Variants in FN1 observed in about 807,000 individuals in gnomAD.
FN1 encodes the protein fibronectin.
FN1 carries 106 observed loss-of-function variants against 297.3 expected under a neutral mutation model. The observed-to-expected ratio is 0.36, with a 90% CI of 0.30 to 0.42. FN1 has a LOEUF of 0.42. Ranked by LOEUF, FN1 falls within the 10% of genes least tolerant of loss-of-function variation. The pLI is 1.00. For missense variants in FN1, 2,690 were observed against 3,124.9 expected (o/e 0.86, Z 3.32); for synonymous variants, 1,149 against 1,152.6 (o/e 1.00, Z 0.06).
intron 2 of FN1, 70 bp downstream of exon 2, chr2:215,434,626 T>G (rs1399120240): frequency 6.4e-7 from 1 of 1,558,780 alleles, no homozygotes; most frequent in African/African-American, 1.4e-5. Context: ...TTTTACTTAC[T>G]AATGCAAAGT....
In FN1 at chr2:215,372,245, C is replaced by T. The variant is rs1348061167; in HGVS notation, c.6378G>A (p.Gln2126=). ...HPGYDTGNGI[Q]LPGTSGQQPS... is the part of the protein sequence containing the mutation. ...GTTGCTGACCAGAAGTGCCAGGAAG[C>T]TGAATACCATTTCCAGTGTCATACC... The change falls in exon 40 of 46, where the codon CAG becomes CAA. Residue 2126 remains glutamine (Q), a synonymous_variant. Transcript: ENST00000354785. 4 of 1,614,200 alleles carry T rather than the reference C, an allele frequency of 2.5e-6. No individual in the cohort carries two copies. In the South Asian group the frequency reaches 4.4e-5, roughly 18 times the overall value.
rs2289202 is a variant in FN1 at position 215,433,361 on chromosome 2, G to A, written c.378C>T (p.Ile126=). 0.22 allele frequency: 362,997 copies of A among 1,613,504 alleles called. 44,855 individuals carry two copies. The highest frequency in any genetic ancestry group is 0.25 in the Non-Finnish European group (297,974 of 1,179,556). ...AGCTTATTCTCCCTCGCCCAGCCCC[G>A]ATGCAGGTACAGTCCCAGATCATGG... ...KDSMIWDCTC[I]GAGRGRISCT... is the part of the protein sequence containing the mutation. The change falls in exon 3 of 46, where the codon ATC becomes ATT. Residue 126 remains isoleucine (I), a synonymous_variant. Transcript: ENST00000354785.
chr2:215,423,522 C>G lies in FN1; in HGVS notation c.1221G>C (p.Leu407Phe). The change falls in exon 9 of 46, where the codon TTG (leucine) becomes TTC (phenylalanine). Residue 407 changes from leucine (L) to phenylalanine (F), a missense_variant. Transcript: ENST00000354785. The part of the protein sequence containing the change: ...KYSFCTDHTV[L>F]VQTRGGNSNG... ...TGGAATTTCCTCCTCGAGTCTGAAC[C>G]AAAACTGCCAGGAACAATACACAAC... 6.2e-7 allele frequency: 1 copy of G among 1,613,992 alleles called. No homozygotes were observed. Among genetic ancestry groups the G allele is most frequent in the African/African-American group, 1.3e-5 (1 of 75,040 alleles).
chr2:215,384,485 G>C (rs2058649208), intron 29 of FN1: 1 of 441,280 alleles, frequency 2.3e-6, no homozygotes, highest in Admixed American at 3.8e-5. Context: ...AGGATTGCAT[G>C]CATTGTGTCC....
chr2:215,384,218 G>A (rs1280032653), intron 29 of FN1, 34 bp from the exon 30 acceptor site: 3 of 1,605,162 alleles, frequency 1.9e-6, no homozygotes, highest in Non-Finnish European at 2.6e-6. Flanking sequence ...GAGTGTGAGG[G>A]GTTTAGAGCT....
At chr2:215,423,224 C>G (rs1339061674) in intron 9 of FN1, 126 bp downstream of exon 9, 19 of 843,362 alleles carry the variant, frequency 2.3e-5, no homozygotes, top group Admixed American at 4.1e-5. Context: ...ACACACTTCA[C>G]ATGAAGTTTT....
chr2:215,370,266 T>C (rs375230206), intron 41 of FN1, 28 bp downstream of exon 41: 1 of 1,612,274 alleles, frequency 6.2e-7, no homozygotes. Context: ...GAGGGGAGCC[T>C]GTGTCTAAAT....
At position 215,382,063 on chromosome 2, in the gene FN1, A is replaced by C. The variant is rs113225940; in HGVS notation, c.5164+149T>G. ...CTCGCTTGGCACTGAGAAGGAAAAAAGATGTTCGTAAAGGGCTCAGCTCAA... is the reference window on the plus strand; with the variant it reads ...CTCGCTTGGCACTGAGAAGGAAAAACGATGTTCGTAAAGGGCTCAGCTCAA... On this transcript the variant is annotated intron_variant, in intron 32 of 45. Transcript: ENST00000354785. 2.4e-5 allele frequency: 16 copies of C among 657,014 alleles called. 1 individual carries two copies. Among genetic ancestry groups the C allele is most frequent in the African/African-American group, 1.3e-4 (7 of 55,884 alleles). The allele number at this position is 657,014 out of a possible 1,614,324, so 40.7% of individuals were successfully genotyped here.
chr2:215,414,422 T>C (rs2063138085), intron 13 of FN1, among the ~76,000 whole-genome samples: 1 of 152,174 alleles, frequency 6.6e-6, no homozygotes, highest in African/African-American at 2.4e-5. Context: ...AAAAGAAATA[T>C]ATTAATTTGG....
intron 38 of FN1, among the ~76,000 whole-genome samples, chr2:215,374,098 A>G (rs1460688704): frequency 6.6e-6 from 1 of 152,204 alleles, no homozygotes; most frequent in African/African-American, 2.4e-5. Flanking sequence ...CAGATTATAT[A>G]CATGAATCTA....
At chr2:215,385,567 G>GAA (rs528179850) in intron 28 of FN1, among the ~76,000 whole-genome samples, 4,780 of 113,652 alleles carry the variant, frequency 0.042, 284 homozygotes, top group African/African-American at 0.14. Flanking sequence ...ATTTCAGGAA[G>GAA]AAAAAAAAAA....
Position 215,420,905 on chromosome 2 carries a change from C to A in FN1, c.1547-104G>T. 3.0e-6 allele frequency: 3 copies of A among 991,640 alleles called. No individual in the cohort carries two copies. In the South Asian group the frequency reaches 4.0e-5, roughly 13 times the overall value. 61.4% of individuals were successfully genotyped at this position (991,640 alleles called of 1,614,324 possible). On this transcript the variant is annotated intron_variant, in intron 10 of 45. Coordinates refer to ENST00000354785, the MANE Select transcript of FN1 (RefSeq NM_212482.4). The stretch of plus-strand genomic sequence containing the variant: ...CATACAACTACTTCCACTTAATTAT[C>A]AACACCTTCCACTAAAATAACTTTT...
chr2:215,415,167 G>A (rs942642552), intron 12 of FN1, among the ~76,000 whole-genome samples: 1 of 152,062 alleles, frequency 6.6e-6, no homozygotes, highest in Non-Finnish European at 1.5e-5. Context: ...TTCTTCACAT[G>A]AGAAATGCAA....
chr2:215,368,376 A>G (rs919755143), intron 41 of FN1, among the ~76,000 whole-genome samples: 3 of 152,214 alleles, frequency 2.0e-5, no homozygotes, highest in Admixed American at 6.5e-5. Context: ...ATGCCTCTCC[A>G]TTGGTACCTG....
At chr2:215,429,671 G>A (rs2066128170) in intron 5 of FN1, among the ~76,000 whole-genome samples, 1 of 152,054 alleles carries the variant, frequency 6.6e-6, no homozygotes, top group Non-Finnish European at 1.5e-5. Context: ...ACTGTGTTTT[G>A]CAGATGATAA....
intron 20 of FN1, among the ~76,000 whole-genome samples, chr2:215,401,247 A>AAAGAAAGGAAGGAAGGAAGG (rs1559475709): frequency 1.2e-5 from 1 of 80,136 alleles, no homozygotes; most frequent in African/African-American, 5.2e-5. Context: ...AGAAAGAAAG[A>AAAGAAAGGAAGGAAGGAAGG]AAGGAAGAAA....
chr2:215,383,227 C>G, intron 31 of FN1, 101 bp downstream of exon 31: 1 of 1,214,966 alleles, frequency 8.2e-7, no homozygotes, highest in Non-Finnish European at 1.2e-6. Flanking sequence ...AGGCTGGTCT[C>G]GAACTCCTAA....
chr2:215,375,483 T>C, intron 37 of FN1, 90 bp from the exon 38 acceptor site: 3 of 1,338,756 alleles, frequency 2.2e-6, no homozygotes, highest in Non-Finnish European at 1.1e-6. Context: ...TAAACACACT[T>C]AAAAGAATCT....
At chr2:215,403,117 A>G (rs1265372474) in intron 20 of FN1, among the ~76,000 whole-genome samples, 4 of 152,230 alleles carry the variant, frequency 2.6e-5, no homozygotes, top group Admixed American at 2.6e-4. Flanking sequence ...TTTACAAGAA[A>G]TATAAAGACA....
Sources: gnomAD v4.1 joint callset for allele counts (sites outside exome capture counted in the v4.1 genomes callset) on GRCh38, gnomAD v4.1.1 for gene constraint, MANE v1.5 for transcripts, NCBI Gene and HGNC (gene_info 2026-07-23, HGNC 2026-07-21) for gene names.